The following POLE variants were observed in gnomAD, a reference collection of about 807,000 sequenced individuals.
POLE encodes the protein DNA polymerase epsilon catalytic subunit A.
Under a neutral mutation model 279.2 loss-of-function variants are expected in POLE, and 188 were observed. That is an observed-to-expected ratio of 0.67 (90% CI 0.60 to 0.76). The LOEUF (loss-of-function observed/expected upper bound fraction) is 0.76. Ranked by LOEUF, POLE falls within the 30% of genes least tolerant of loss-of-function variation. The pLI is 0.00. For synonymous variants in POLE, 1,214 were observed against 1,172.5 expected (o/e 1.04, Z -0.72); for missense variants, 2,703 against 3,016.7 (o/e 0.90, Z 2.44).
intron 42 of POLE, among the ~76,000 whole-genome samples, chr12:132,635,243 A>G (rs1372087574): frequency 6.6e-6 from 1 of 151,294 alleles, no homozygotes; most frequent in East Asian, 1.9e-4. Flanking sequence ...AGCCACCTCC[A>G]CTCACCCACA....
In POLE at chr12:132,672,808, TCA is replaced by T. The variant is rs762636894; in HGVS notation, c.1503_1504del (p.Cys501Ter). The T allele has an allele frequency of 1.1e-5, 17 of 1,614,044 alleles. No individual in the cohort carries two copies. The highest frequency in any genetic ancestry group is 1.4e-5 in the Non-Finnish European group (17 of 1,180,018). ...GAAGGCCTGCACCATCAGCAAGGCC[TCA>T]CACAGAGTGCCAGAGCCCTTCCGCA... On this transcript the variant is annotated stop_gained and frameshift_variant, in exon 15 of 49. Coordinates refer to ENST00000320574, the MANE Select transcript of POLE (RefSeq NM_006231.4). LOFTEE classifies it high-confidence loss of function.
chr12:132,672,210 G>A lies in POLE; in HGVS notation c.1794+5C>T, dbSNP rs200095915. 8.3e-5 allele frequency: 133 copies of A among 1,605,074 alleles called. 2 individuals are homozygous for A. The South Asian group carries it at 1.2e-3, about 14-fold the overall frequency. On this transcript the variant is annotated splice_donor_5th_base_variant and intron_variant, in intron 16 of 48. Transcript: ENST00000320574. ...ACTGGCTCTTCCTGCCTCCCTGATG[G>A]TTACCTCTTCAAAGTTGGTGACTTG...
rs2138614041 is a variant in POLE, at chr12:132,649,785, C to G, written c.3687G>C (p.Val1229=). The change falls in exon 30 of 49, where the codon GTG becomes GTC. Residue 1229 remains valine, a synonymous_variant. Coordinates refer to ENST00000320574, the MANE Select transcript of POLE (RefSeq NM_006231.4). ...TCTCCCAAAGAACTCGCTTCCTCTT[C>G]ACAGTGACAGGGGCTGCTGGGTGAG... ...KLPHPAAPVT[V]KRKRVLWESQ... 6.2e-7 allele frequency: 1 copy of G among 1,614,212 alleles called. No homozygotes were observed. The highest frequency in any genetic ancestry group is 8.5e-7 in the Non-Finnish European group (1 of 1,180,046).
At chr12:132,642,047 C>A in intron 38 of POLE, 130 bp downstream of exon 38, 1 of 983,508 alleles carries the variant, frequency 1.0e-6, no homozygotes, top group Non-Finnish European at 1.5e-6. Flanking sequence ...GGACCGTCTC[C>A]TGCAGCCTCA....
intron 39 of POLE, chr12:132,641,286 G>A (rs4883615): frequency 0.48 from 183,263 of 378,310 alleles, 45,725 homozygotes; most frequent in East Asian, 0.7. Context: ...GCAGACCGAC[G>A]GCTCCTGACA....
intron 39 of POLE, among the ~76,000 whole-genome samples, chr12:132,640,011 C>G (rs1593723887): frequency 6.6e-6 from 1 of 152,052 alleles, no homozygotes; most frequent in Admixed American, 6.5e-5. Flanking sequence ...ACCATACCCA[C>G]ATGGCCCCAG....
Position 132,657,915 on chromosome 12 carries a change from G to T in POLE, c.3331C>A (p.Arg1111=), listed in dbSNP as rs774028311. 1.1e-5 allele frequency: 17 copies of T among 1,614,048 alleles called. No individual in the cohort carries two copies. Among genetic ancestry groups the T allele is most frequent in the Non-Finnish European group, 1.4e-5 (17 of 1,179,916 alleles). Residue 1111 remains arginine (R), a synonymous_variant, in exon 27 of 49, where the codon CGG becomes AGG. Transcript: ENST00000320574. ...AGGGAAGAGCTCTTGAGCCATTTCC[G>T]GAGAAAGTGCTTCCTCACCGTGGGC... ...AEPTVRKHFL[R]KWLKSSSLQD...
At position 132,672,789 on chromosome 12, in the gene POLE, CTGCACCATCAGCAAGGCCTCACACAGAG is replaced by C. The variant is rs1355000721; in HGVS notation, c.1496_1523del (p.Thr499ArgfsTer20). On this transcript the variant is annotated frameshift_variant, in exon 15 of 49. Transcript: ENST00000320574. LOFTEE classifies it high-confidence loss of function. ...GGAAGATGATGTTGGCGTGGAAGGC[CTGCACCATCAGCAAGGCCTCACACAGAG>C]TGCCAGAGCCCTTCCGCAGCACCTG... The C allele has an allele frequency of 1.2e-6, 2 of 1,614,084 alleles. No homozygotes were observed. The highest frequency in any genetic ancestry group is 1.7e-6 in the Non-Finnish European group (2 of 1,180,042).
Position 132,659,410 on chromosome 12 carries a change from T to C in POLE, c.3160A>G (p.Ile1054Val), listed in dbSNP as rs2042629769. Reference protein sequence around the residue: ...EDYGEQKSTSISTAKRLAEFL... With the variant: ...EDYGEQKSTSVSTAKRLAEFL... The stretch of plus-strand genomic sequence containing the variant: ...TCGGCCAGGCGCTTTGCTGTGCTGA[T>C]GGACGTAGACTTCTGCTCCCCGTAA... Residue 1054 changes from isoleucine to valine, a missense_variant, in exon 26 of 49, where the codon ATC becomes GTC. Ile to Val is a conservative substitution (Grantham distance 29). This residue lies in a region of POLE where 1,551 missense variants were observed against 1,686.1 expected (regional missense o/e 0.92). Coordinates refer to ENST00000320574, the MANE Select transcript of POLE (RefSeq NM_006231.4). 6.2e-7 allele frequency: 1 copy of C among 1,614,206 alleles called. No homozygotes were observed. Among genetic ancestry groups the C allele is most frequent in the Non-Finnish European group, 8.5e-7 (1 of 1,180,008 alleles).
intron 32 of POLE, among the ~76,000 whole-genome samples, chr12:132,646,138 A>G (rs929593822): frequency 3.3e-5 from 5 of 152,188 alleles, no homozygotes; most frequent in Non-Finnish European, 7.3e-5. Context: ...GGCCAGCCCA[A>G]TTTGGGATAA....
At chr12:132,678,221 G>A (rs1398509447) in intron 6 of POLE, among the ~76,000 whole-genome samples, 2 of 150,746 alleles carry the variant, frequency 1.3e-5, no homozygotes, top group African/African-American at 2.4e-5. Context: ...ACAGACAGGA[G>A]AAAATTCAGT....
In POLE at chr12:132,639,154, G is replaced by A. The variant is rs754895008; in HGVS notation, c.5523C>T (p.Leu1841=). 3 of 1,614,166 alleles carry A rather than the reference G, an allele frequency of 1.9e-6. No homozygotes were observed. Among genetic ancestry groups the A allele is most frequent in the Non-Finnish European group, 1.7e-6 (2 of 1,180,014 alleles). ...GGAAGAGCTTCTTCATCATGTTGTG[G>A]AGTGTGCGGTGCAGGGCAGGGTCAT... is the stretch of plus-strand genomic sequence containing the variant. ...LLHDPALHRT[L]HNMMKKLFLQ... The change falls in exon 40 of 49, where the codon CTC becomes CTT. Residue 1841 remains leucine, a synonymous_variant. Coordinates refer to ENST00000320574, the MANE Select transcript of POLE (RefSeq NM_006231.4). The surrounding 1 kb of genome is among the most constrained non-coding windows in gnomAD (Gnocchi z 4.7).
intron 42 of POLE, among the ~76,000 whole-genome samples, chr12:132,635,605 A>G (rs1488152399): frequency 2.0e-5 from 3 of 152,230 alleles, no homozygotes; most frequent in Non-Finnish European, 4.4e-5. Context: ...TTATGCTCGC[A>G]CAACTATGGT....
rs2042460122 is a variant in POLE, at chr12:132,653,141, G to A, written c.3583-3252C>T. 2.6e-5 allele frequency among the ~76,000 whole-genome samples: 4 copies of A among 152,308 alleles called. No homozygotes were observed. The South Asian group carries it at 8.3e-4, about 32-fold the overall frequency. ...ACACCTGTAATCCCAGTGCTTTGGG[G>A]GGGGCCCAGGCAGGAGGATCACTTG... On this transcript the variant is annotated intron_variant, in intron 29 of 48. Coordinates refer to ENST00000320574, the MANE Select transcript of POLE (RefSeq NM_006231.4).
intron 1 of POLE, among the ~76,000 whole-genome samples, chr12:132,681,778 G>T (rs2043172681): frequency 6.6e-6 from 1 of 152,216 alleles, no homozygotes; most frequent in Non-Finnish European, 1.5e-5. Context: ...CTAACAAAAA[G>T]AGTCATGATG....
At chr12:132,648,781 C>A in intron 32 of POLE, 148 bp downstream of exon 32, 1 of 839,652 alleles carries the variant, frequency 1.2e-6, no homozygotes, top group East Asian at 2.6e-5. Flanking sequence ...AGGCTCGGTG[C>A]TCAGCGCTCA....
rs780287164 is a variant in POLE, at chr12:132,675,407, T to G, written c.1217A>C (p.Asp406Ala). 1 of 1,614,080 alleles carries G rather than the reference T, an allele frequency of 6.2e-7. No homozygotes were observed. The highest frequency in any genetic ancestry group is 8.5e-7 in the Non-Finnish European group (1 of 1,180,006). ...EYKAPQCIHM[D>A]CLRWVKRDSY... ...GCTCTGTGGCCCCTACCTGAGGCAG[T>G]CCATGTGGATGCACTGGGGCGCCTT... The change falls in exon 12 of 49, where the codon GAC (aspartate) becomes GCC (alanine). Residue 406 changes from aspartate (D) to alanine (A), a missense_variant. This residue lies in a region of POLE where 1,011 missense variants were observed against 1,111.7 expected (regional missense o/e 0.91). Coordinates refer to ENST00000320574, the MANE Select transcript of POLE (RefSeq NM_006231.4). The surrounding 1 kb of genome is among the most constrained non-coding windows in gnomAD (Gnocchi z 4.3).
intron 32 of POLE, among the ~76,000 whole-genome samples, chr12:132,647,618 G>T (rs2042315533): frequency 6.6e-6 from 1 of 152,138 alleles, no homozygotes; most frequent in Non-Finnish European, 1.5e-5. Context: ...ACGAGACATG[G>T]ATGCTGACAC....
chr12:132,633,698 A>T (rs1245126367), intron 43 of POLE: 2 of 154,874 alleles, frequency 1.3e-5, no homozygotes, highest in Non-Finnish European at 2.9e-5. Flanking sequence ...ACTAACCTGC[A>T]TAGCTTGATT....
Sources: gnomAD v4.1 joint callset for allele counts (sites outside exome capture counted in the v4.1 genomes callset) on GRCh38, gnomAD v4.1.1 for gene constraint, gnomAD v4.1.1 regional missense constraint, Gnocchi (gnomAD v3.1) non-coding constraint, MANE v1.5 for transcripts, NCBI Gene and HGNC (gene_info 2026-07-23, HGNC 2026-07-21) for gene names.